The following GTF3C1 variants were observed in gnomAD, a reference collection of about 807,000 sequenced individuals.
The protein encoded by GTF3C1 is general transcription factor IIIC subunit 1.
GTF3C1 carries 57 observed loss-of-function variants against 226.7 expected under a neutral mutation model. That is an observed-to-expected ratio of 0.25 (90% CI 0.20 to 0.31). GTF3C1 has a LOEUF of 0.31. GTF3C1 is among the 10% of genes least tolerant of loss of function. The pLI is 1.00. For missense variants in GTF3C1, 2,217 were observed against 2,776.1 expected (o/e 0.80, Z 4.53); for synonymous variants, 1,090 against 1,084.8 (o/e 1.00, Z -0.09).
At chr16:27,503,414 C>G (rs2088438200) in intron 10 of GTF3C1, among the ~76,000 whole-genome samples, 1 of 152,282 alleles carries the variant, frequency 6.6e-6, no homozygotes, top group Middle Eastern at 3.4e-3. Flanking sequence ...CATCATAGTT[C>G]CCATTTTACA....
chr16:27,465,015 G>A (rs890925406), intron 33 of GTF3C1, among the ~76,000 whole-genome samples, 179 bp from the exon 34 acceptor site: 2 of 152,224 alleles, frequency 1.3e-5, no homozygotes, highest in African/African-American at 4.8e-5. Context: ...CTGTGCCCTG[G>A]AGCAGCATCT....
chr16:27,481,196 C>T lies in GTF3C1; in HGVS notation c.4084-5G>A, dbSNP rs1334452251. On this transcript the variant is annotated splice_polypyrimidine_tract_variant and splice_region_variant and intron_variant, in intron 26 of 36. Transcript: ENST00000356183. The stretch of plus-strand genomic sequence containing the variant: ...TTTAAACTCGTTGGCACAAACCTTT[C>T]AACATGAGAGCATGAGAGGTTAAGC... 1.9e-6 allele frequency: 3 copies of T among 1,612,528 alleles called. No homozygotes were observed. In the Admixed American group the frequency reaches 5.0e-5, roughly 27 times the overall value.
chr16:27,528,930 G>A (rs894307739), intron 5 of GTF3C1, among the ~76,000 whole-genome samples: 8 of 152,192 alleles, frequency 5.3e-5, no homozygotes, highest in Non-Finnish European at 1.2e-4. Flanking sequence ...ATTAGAGGGG[G>A]AAAGAGATTC....
At chr16:27,483,989 T>C (rs958916707) in intron 25 of GTF3C1, among the ~76,000 whole-genome samples, 6 of 152,190 alleles carry the variant, frequency 3.9e-5, no homozygotes, top group Admixed American at 2.6e-4. Context: ...CTACTTCTCA[T>C]GGCCGCTATA....
At chr16:27,543,992 A>C (rs761628864) in intron 2 of GTF3C1, among the ~76,000 whole-genome samples, 1 of 152,192 alleles carries the variant, frequency 6.6e-6, no homozygotes, top group Non-Finnish European at 1.5e-5. Context: ...GCGTGGGTGC[A>C]GAGTCAAAGA....
intron 12 of GTF3C1, 70 bp from the exon 13 acceptor site, chr16:27,498,803 T>C (rs2088360236): frequency 1.2e-6 from 1 of 803,486 alleles, no homozygotes; most frequent in Admixed American, 1.7e-5. Flanking sequence ...CCACAGTCGA[T>C]TCCTAGTGGA....
chr16:27,501,421 A>T, intron 11 of GTF3C1, 77 bp from the exon 12 acceptor site: 1 of 1,308,922 alleles, frequency 7.6e-7, no homozygotes, highest in Non-Finnish European at 1.1e-6. Context: ...CAACACAGAC[A>T]TGCCTCACGG....
chr16:27,493,427 C>G, intron 16 of GTF3C1, 131 bp from the exon 17 acceptor site: 2 of 637,800 alleles, frequency 3.1e-6, no homozygotes, highest in African/African-American at 3.6e-5. Context: ...TCCTTCCTGC[C>G]CCACCAAGTG....
intron 29 of GTF3C1, among the ~76,000 whole-genome samples, chr16:27,473,677 T>C (rs2087910085): frequency 6.6e-6 from 1 of 152,208 alleles, no homozygotes; most frequent in African/African-American, 2.4e-5. Flanking sequence ...ACCGGTGCGG[T>C]GGTCAGCTGG....
At chr16:27,543,247 G>A (rs779623608) in intron 2 of GTF3C1, among the ~76,000 whole-genome samples, 13 of 152,200 alleles carry the variant, frequency 8.5e-5, no homozygotes, top group East Asian at 1.9e-4. Context: ...TAAGCTGGGC[G>A]TGGTGGCATG....
chr16:27,528,276 CAAAGAAAAA>C (rs1244669404), intron 6 of GTF3C1, among the ~76,000 whole-genome samples: 2 of 150,456 alleles, frequency 1.3e-5, no homozygotes, highest in Non-Finnish European at 3.0e-5. Context: ...CTCAAAAAAG[CAAAGAAAAA>C]AAAGAAAAAG....
intron 1 of GTF3C1, among the ~76,000 whole-genome samples, chr16:27,546,485 TG>T (rs1331114606): frequency 7.9e-5 from 7 of 88,600 alleles, no homozygotes; most frequent in East Asian, 2.3e-4. Context: ...TTTTTTTTTT[TG>T]AAAAAAAAAA....
intron 2 of GTF3C1, among the ~76,000 whole-genome samples, chr16:27,543,977 A>C (rs2141464170): frequency 6.6e-6 from 1 of 152,256 alleles, no homozygotes; most frequent in African/African-American, 2.4e-5. Flanking sequence ...TGATTCATCT[A>C]AGAAGCGTGG....
chr16:27,470,541 G>T lies in GTF3C1; in HGVS notation c.4527-146C>A, dbSNP rs539808174. The T allele has an allele frequency of 1.4e-4, 96 of 667,078 alleles. 1 individual carries two copies. The South Asian group carries it at 1.7e-3, about 12-fold the overall frequency. The allele number at this position is 667,078 out of a possible 1,614,324, so 41.3% of individuals were successfully genotyped here. On this transcript the variant is annotated intron_variant, in intron 30 of 36. Coordinates refer to ENST00000356183, the MANE Select transcript of GTF3C1 (RefSeq NM_001520.4). This position sits in a 1 kb window ranked among gnomAD's most constrained non-coding sequence, Gnocchi z 4.9. The stretch of plus-strand genomic sequence containing the variant: ...CCCTAAAGCTCTCTGTCCCATCCCA[G>T]ATGAAGGTGCTGCATTCCCACCTAG...
In GTF3C1 at chr16:27,465,345, A is replaced by C. The variant is rs1243258930; in HGVS notation, c.5270T>G (p.Ile1757Ser). The C allele has an allele frequency of 1.9e-6, 3 of 1,614,066 alleles. No individual in the cohort carries two copies. In the Admixed American group the frequency reaches 5.0e-5, roughly 27 times the overall value. Reference protein sequence around the residue: ...EAIIATGCFGIDKEELRRRFS... With the variant: ...EAIIATGCFGSDKEELRRRFS... ...CCGTCTGCGCAGCTCCTCCTTGTCAATCCCAAAACAACCCGTGGCTATAAT... is the reference window on the plus strand; with the variant it reads ...CCGTCTGCGCAGCTCCTCCTTGTCACTCCCAAAACAACCCGTGGCTATAAT... Residue 1757 changes from isoleucine (I) to serine (S), a missense_variant, in exon 33 of 37, where the codon ATT (isoleucine) becomes AGT (serine). This residue lies in a region of GTF3C1 where 455 missense variants were observed against 441.9 expected (regional missense o/e 1.03). Transcript: ENST00000356183.
chr16:27,510,371 G>A (rs2088555305), intron 7 of GTF3C1, among the ~76,000 whole-genome samples: 1 of 151,538 alleles, frequency 6.6e-6, no homozygotes, highest in Non-Finnish European at 1.5e-5. Context: ...GGGCGACACA[G>A]CGAGACTCCA....
chr16:27,474,210 G>A (rs573546336), intron 29 of GTF3C1, among the ~76,000 whole-genome samples: 1 of 152,174 alleles, frequency 6.6e-6, no homozygotes, highest in African/African-American at 2.4e-5. Context: ...TTTCCTGCTC[G>A]GGGAGGGAGG....
chr16:27,495,586 A>C, intron 14 of GTF3C1, 94 bp from the exon 15 acceptor site: 1 of 1,171,784 alleles, frequency 8.5e-7, no homozygotes, highest in South Asian at 1.5e-5. Flanking sequence ...ACTATGTGCC[A>C]GGGGCCAGAA....
chr16:27,522,948 C>T (rs931300761), intron 6 of GTF3C1, among the ~76,000 whole-genome samples: 27 of 149,090 alleles, frequency 1.8e-4, no homozygotes, highest in African/African-American at 6.6e-4. Context: ...TCTTACTGAA[C>T]TTTTTTTTTT....
Sources: gnomAD v4.1 joint callset for allele counts (sites outside exome capture counted in the v4.1 genomes callset) on GRCh38, gnomAD v4.1.1 for gene constraint, gnomAD v4.1.1 regional missense constraint, Gnocchi (gnomAD v3.1) non-coding constraint, MANE v1.5 for transcripts, NCBI Gene and HGNC (gene_info 2026-07-23, HGNC 2026-07-21) for gene names.